The following NHS variants were observed in gnomAD, a reference collection of about 807,000 sequenced individuals.
NHS encodes the protein actin remodeling regulator NHS.
Under a neutral mutation model 72.5 loss-of-function variants are expected in NHS, and 5 were observed. That is an observed-to-expected ratio of 0.07 (90% CI 0.04 to 0.14). The LOEUF (loss-of-function observed/expected upper bound fraction) is 0.14, where lower values mean the gene tolerates loss of function less well. Among genes scored for constraint, NHS ranks in the 10% least tolerant of loss-of-function variants. The pLI, the probability that NHS is intolerant of heterozygous loss-of-function variation, is 1.00. For missense variants in NHS, 1,072 were observed against 1,355.7 expected (o/e 0.79, Z 3.29); for synonymous variants, 464 against 547.7 (o/e 0.85, Z 2.13).
At chrX:17,509,148 A>G (rs2065073455) in intron 1 of NHS, among the ~76,000 whole-genome samples, 1 of 111,708 alleles carries the variant, frequency 9.0e-6, no homozygotes, top group African/African-American at 3.3e-5. Flanking sequence ...TCTCCAGCAA[A>G]TGGTGGTGTT....
At chrX:17,610,361 T>A (rs1479374150) in intron 1 of NHS, among the ~76,000 whole-genome samples, 1 of 112,708 alleles carries the variant, frequency 8.9e-6, no homozygotes, top group Non-Finnish European at 1.9e-5. Context: ...ATGAGTGGTA[T>A]AATCAGTTGC....
chrX:17,452,665 A>G (rs111656042), intron 1 of NHS, among the ~76,000 whole-genome samples: 2 of 111,235 alleles, frequency 1.8e-5, no homozygotes, highest in Non-Finnish European at 3.8e-5. Flanking sequence ...AGGCTGTCTG[A>G]TCTAGATCAT....
rs1227331864 is a variant in NHS at position 17,447,531 on chromosome X, T to C, written c.565+71209T>C. Among the ~76,000 whole-genome samples the C allele has an allele frequency of 3.6e-5, 4 of 111,145 alleles. No individual in the cohort carries two copies. The East Asian group carries it at 1.1e-3, about 31-fold the overall frequency. On this transcript the variant is annotated intron_variant, in intron 1 of 8. Transcript: ENST00000676302. ...TTTTATTAGTGATGCTATTGGAGTGTTTATAAAACACAGAACTGTTTTGGA... is the reference window on the plus strand; with the variant it reads ...TTTTATTAGTGATGCTATTGGAGTGCTTATAAAACACAGAACTGTTTTGGA...
At chrX:17,593,748 TG>T (rs1242004525) in intron 1 of NHS, among the ~76,000 whole-genome samples, 1 of 111,624 alleles carries the variant, frequency 9.0e-6, no homozygotes, top group Non-Finnish European at 1.9e-5. Context: ...ACTTCTTACA[TG>T]TCTATGTCTA....
At chrX:17,654,105 G>A (rs751240499) in intron 1 of NHS, among the ~76,000 whole-genome samples, 1 of 111,545 alleles carries the variant, frequency 9.0e-6, no homozygotes, top group African/African-American at 3.3e-5. Context: ...CTGACCCCTC[G>A]GTGACATTTG....
intron 5 of NHS, among the ~76,000 whole-genome samples, chrX:17,723,766 TGTGTGCGCGC>T (rs1367489323): frequency 2.0e-5 from 2 of 97,713 alleles, no homozygotes; most frequent in African/African-American, 9.0e-5. Flanking sequence ...TGTGTGTGTG[TGTGTGCGCGC>T]GCGTGCGCGC....
At chrX:17,570,829 GT>G (rs1477997949) in intron 1 of NHS, among the ~76,000 whole-genome samples, 2 of 111,760 alleles carry the variant, frequency 1.8e-5, no homozygotes, top group Non-Finnish European at 3.8e-5. Flanking sequence ...CTCTTATTAT[GT>G]TGAGATACAT....
chrX:17,725,500 G>A lies in NHS; in HGVS notation c.1394G>A (p.Arg465Lys). Residue 465 changes from arginine (R) to lysine (K), a missense_variant, in exon 7 of 9, where the codon AGA becomes AAA. Coordinates refer to ENST00000676302, the MANE Select transcript of NHS (RefSeq NM_001291867.2). Reference sequence around the variant, plus strand: ...GCTGCCCCATCCAGAAGGAGAATCAGAGCTCAAAGGGGTCAAAGCATTGCA... The same window carrying A: ...GCTGCCCCATCCAGAAGGAGAATCAAAGCTCAAAGGGGTCAAAGCATTGCA... The part of the protein sequence containing the change: ...LIAAPSRRRI[R>K]AQRGQSIAAS... 1 of 1,211,593 alleles carries A rather than the reference G, an allele frequency of 8.3e-7. No homozygotes were observed. Among genetic ancestry groups the A allele is most frequent in the Non-Finnish European group, 1.1e-6 (1 of 895,530 alleles).
At chrX:17,498,944 G>T (rs1269939007) in intron 1 of NHS, among the ~76,000 whole-genome samples, 1 of 111,686 alleles carries the variant, frequency 9.0e-6, no homozygotes, top group Non-Finnish European at 1.9e-5. Flanking sequence ...GATAAAAATT[G>T]ATGGGGTTAC....
intron 1 of NHS, among the ~76,000 whole-genome samples, chrX:17,424,141 G>A (rs997327012): frequency 1.8e-5 from 2 of 112,357 alleles, no homozygotes; most frequent in African/African-American, 6.5e-5. Flanking sequence ...TGAGCTGAAA[G>A]CTCTGAAGGA....
intron 5 of NHS, among the ~76,000 whole-genome samples, chrX:17,723,777 G>A (rs750773516): frequency 2.7e-4 from 29 of 106,429 alleles, no homozygotes; most frequent in East Asian, 6.0e-4. Flanking sequence ...GTGTGCGCGC[G>A]CGTGCGCGCA....
At chrX:17,703,329 C>T (rs963406630) in intron 3 of NHS, among the ~76,000 whole-genome samples, 5 of 111,134 alleles carry the variant, frequency 4.5e-5, no homozygotes, top group Middle Eastern at 4.6e-3. Flanking sequence ...ATTGTGTGTC[C>T]GTTTTCCTTC....
At chrX:17,685,435 T>C (rs2066156500) in intron 1 of NHS, among the ~76,000 whole-genome samples, 1 of 111,584 alleles carries the variant, frequency 9.0e-6, no homozygotes, top group Non-Finnish European at 1.9e-5. Context: ...GAGCCATGAC[T>C]AGGCTGCCCA....
At chrX:17,542,977 G>A (rs1260806247) in intron 1 of NHS, among the ~76,000 whole-genome samples, 3 of 112,151 alleles carry the variant, frequency 2.7e-5, no homozygotes, top group Non-Finnish European at 5.6e-5. Flanking sequence ...TAGCTGTTAT[G>A]ATTACTTGTA....
chrX:17,420,904 TCTTA>T (rs35996410), intron 1 of NHS, among the ~76,000 whole-genome samples: 1,501 of 111,317 alleles, frequency 0.013, 7 homozygotes, highest in Middle Eastern at 0.018. Context: ...TCTTCTGACT[TCTTA>T]CTTAGAGTTA....
chrX:17,419,365 C>T (rs183241309), intron 1 of NHS, among the ~76,000 whole-genome samples: 9 of 112,238 alleles, frequency 8.0e-5, no homozygotes, highest in Non-Finnish European at 1.5e-4. Context: ...AAACTTCTAC[C>T]GTCTAGTGTG....
intron 1 of NHS, among the ~76,000 whole-genome samples, chrX:17,633,156 ATGAG>A (rs1261800476): frequency 2.7e-5 from 3 of 111,826 alleles, no homozygotes; most frequent in African/African-American, 9.8e-5. Context: ...CAAAACAAGA[ATGAG>A]TAATAATCTA....
intron 1 of NHS, among the ~76,000 whole-genome samples, chrX:17,467,392 A>G (rs2064875243): frequency 8.9e-6 from 1 of 111,778 alleles, no homozygotes; most frequent in Non-Finnish European, 1.9e-5. Flanking sequence ...TGAACTTAAT[A>G]AGATTTCATG....
chrX:17,716,962 C>T (rs12013869), intron 3 of NHS, among the ~76,000 whole-genome samples: 12,924 of 95,447 alleles, frequency 0.14, 1,911 homozygotes, highest in African/African-American at 0.43. Flanking sequence ...TCCCCTTACT[C>T]TTTTTTTTTT....
Sources: allele counts gnomAD v4.1 joint callset (sites outside exome capture counted in the v4.1 genomes callset), GRCh38; gene constraint gnomAD v4.1.1; transcripts MANE v1.5; gene names NCBI Gene and HGNC (gene_info 2026-07-23, HGNC 2026-07-21).